The following TET3 variants were observed in gnomAD, a reference collection of about 807,000 sequenced individuals.
TET3 encodes tet methylcytosine dioxygenase 3.
Under a neutral mutation model 141.4 loss-of-function variants are expected in TET3, and 19 were observed. That is an observed-to-expected ratio of 0.13 (90% CI 0.09 to 0.20). TET3 has a LOEUF of 0.20. Ranked by LOEUF, TET3 falls within the 10% of genes least tolerant of loss-of-function variation. The probability of loss-of-function intolerance (pLI) is 1.00; values close to 1 mark genes in which losing one functional copy is unlikely to be tolerated. For missense variants in TET3, 1,874 were observed against 2,356.9 expected (o/e 0.80, Z 4.24); for synonymous variants, 1,043 against 980.9 (o/e 1.06, Z -1.18).
At chr2:74,059,577 C>G (rs937693553) in intron 4 of TET3, among the ~76,000 whole-genome samples, 9 of 152,230 alleles carry the variant, frequency 5.9e-5, no homozygotes, top group Admixed American at 5.2e-4. Context: ...TTTAGAGAGA[C>G]AGGATATCAC....
chr2:74,109,939 C>T (rs1691663320), downstream of TET3, among the ~76,000 whole-genome samples: 1 of 152,158 alleles, frequency 6.6e-6, no homozygotes, highest in Admixed American at 6.5e-5. Flanking sequence ...CCTCACTTCC[C>T]AATTGTGTGA....
chr2:73,990,479 G>A lies in TET3; in HGVS notation c.303+3773G>A, dbSNP rs578037607. Among the ~76,000 whole-genome samples the A allele has an allele frequency of 2.6e-5, 4 of 152,304 alleles. No homozygotes were observed. The East Asian group carries it at 7.7e-4, about 29-fold the overall frequency. On this transcript the variant is annotated intron_variant, in intron 2 of 11. Coordinates refer to ENST00000409262, the MANE Select transcript of TET3 (RefSeq NM_001287491.2). The stretch of plus-strand genomic sequence containing the variant: ...TTTGCCAGCCTCTGTGCTGGGGGAG[G>A]AGGCTAGACACCAAGGAGTCACTAT...
At chr2:74,012,056 G>A (rs564993278) in intron 3 of TET3, among the ~76,000 whole-genome samples, 2 of 152,304 alleles carry the variant, frequency 1.3e-5, no homozygotes, top group South Asian at 4.1e-4. Flanking sequence ...CACTTCCCAG[G>A]CTCAAGCCAT....
chr2:74,024,072 A>G (rs1686210111), intron 3 of TET3, among the ~76,000 whole-genome samples: 2 of 152,212 alleles, frequency 1.3e-5, no homozygotes, highest in Non-Finnish European at 2.9e-5. Context: ...TTTCTAATAG[A>G]TACTGTTCTC....
chr2:74,078,197 C>T (rs904013799), intron 5 of TET3, among the ~76,000 whole-genome samples: 5 of 151,736 alleles, frequency 3.3e-5, no homozygotes, highest in South Asian at 2.1e-4. Context: ...AAAATTAATT[C>T]GTTAATTAAA....
rs749904003 is a variant in TET3, at chr2:74,087,785, G to T, written c.2680-45G>T. 2.7e-6 allele frequency: 4 copies of T among 1,509,252 alleles called. No homozygotes were observed. Among genetic ancestry groups the T allele is most frequent in the South Asian group, 2.6e-5 (2 of 77,138 alleles). 93.5% of individuals were successfully genotyped at this position (1,509,252 alleles called of 1,614,324 possible). A position where few individuals can be genotyped will look rare whatever the true frequency, so the allele number is the denominator to read the frequency against. On this transcript the variant is annotated intron_variant, in intron 6 of 11. Coordinates refer to ENST00000409262, the MANE Select transcript of TET3 (RefSeq NM_001287491.2). The surrounding 1 kb of genome is among the most constrained non-coding windows in gnomAD (Gnocchi z 4.3). ...GGGAGGGGTGGCACCATGCAGAGGA[G>T]CACGGGTACCTGGCTCCTGCCCCTC...
chr2:74,134,588 G>A, the TET3 span: 2 of 423,752 alleles, frequency 4.7e-6, no homozygotes, highest in African/African-American at 2.0e-5. Context: ...TGTGAGAGAG[G>A]AGTGGATGGT....
intron 5 of TET3, among the ~76,000 whole-genome samples, chr2:74,074,482 C>T (rs576411093): frequency 2.0e-5 from 3 of 152,300 alleles, no homozygotes; most frequent in South Asian, 4.1e-4. Context: ...GGTTTTTGAG[C>T]AGTTCATGCA....
At chr2:74,129,990 G>A in the TET3 span, among the ~76,000 whole-genome samples, 1 of 152,026 alleles carries the variant, frequency 6.6e-6, no homozygotes, top group South Asian at 2.1e-4. Flanking sequence ...AACTACTTGG[G>A]AGGCTGAGGC....
chr2:74,091,649 A>G (rs1250730566), intron 8 of TET3, among the ~76,000 whole-genome samples: 1 of 152,210 alleles, frequency 6.6e-6, no homozygotes, highest in Non-Finnish European at 1.5e-5. Flanking sequence ...TGGCGACCCC[A>G]CTGGATGTAC....
intron 3 of TET3, among the ~76,000 whole-genome samples, chr2:74,035,067 T>G (rs1573748247): frequency 1.4e-5 from 2 of 147,878 alleles, no homozygotes; most frequent in Admixed American, 6.7e-5. Context: ...CCAGGTATGG[T>G]GGCGGGCGCC....
downstream of TET3, among the ~76,000 whole-genome samples, chr2:74,110,070 G>A (rs562226738): frequency 1.1e-4 from 16 of 152,282 alleles, 1 homozygote; most frequent in South Asian, 8.3e-4. Flanking sequence ...TCGGGACATA[G>A]CAAGTAATAA....
chr2:74,042,815 G>GA (rs1370783669), intron 3 of TET3, among the ~76,000 whole-genome samples: 1 of 152,226 alleles, frequency 6.6e-6, no homozygotes, highest in Non-Finnish European at 1.5e-5. Context: ...CAGGTGTTGA[G>GA]AAAGGTATCA....
chr2:74,069,000 G>T (rs929509049), intron 4 of TET3, among the ~76,000 whole-genome samples: 20 of 152,110 alleles, frequency 1.3e-4, no homozygotes, highest in Admixed American at 1.2e-3. Context: ...TTATTACAAA[G>T]TTTTTCTTCA....
rs1395492849 is a variant in TET3, at chr2:74,047,619, C to A, written c.1702C>A (p.Pro568Thr). ...GTGGCCCCCACCAAGTTCACCTGTC[C>A]CACGGCTTCCAGACAGACCACCCAA... ...GWWPPPSSPV[P>T]RLPDRPPKEK... Residue 568 changes from proline to threonine, a missense_variant, in exon 4 of 12, where the codon CCA (proline) becomes ACA (threonine). Physicochemically the swap from Pro to Thr is conservative, Grantham distance 38. Around this residue, in one of 10 missense-constraint regions of TET3, gnomAD observed 484 missense variants for 462.2 expected, o/e 1.05. Transcript: ENST00000409262. The A allele has an allele frequency of 1.2e-6, 2 of 1,613,688 alleles. No homozygotes were observed. Among genetic ancestry groups the A allele is most frequent in the Middle Eastern group, 1.6e-4 (1 of 6,062 alleles).
At position 74,053,243 on chromosome 2, in the gene TET3, TC is replaced by T. The variant is rs142543680; in HGVS notation, c.2494+4840del. Among the ~76,000 whole-genome samples, 7 of 151,128 alleles carry T rather than the reference TC, an allele frequency of 4.6e-5. No individual in the cohort carries two copies. In the East Asian group the frequency reaches 9.7e-4, roughly 21 times the overall value. ...ATATTTAAAAATACTCATTGGAGAGTCCCCCCCCAACCATCCTATAACACCA... is the reference window on the plus strand; with the variant it reads ...ATATTTAAAAATACTCATTGGAGAGTCCCCCCCAACCATCCTATAACACCA... On this transcript the variant is annotated intron_variant, in intron 4 of 11. Coordinates refer to ENST00000409262, the MANE Select transcript of TET3 (RefSeq NM_001287491.2).
chr2:74,042,149 A>G (rs931016042), intron 3 of TET3, among the ~76,000 whole-genome samples: 8 of 152,236 alleles, frequency 5.3e-5, no homozygotes, highest in Non-Finnish European at 1.2e-4. Flanking sequence ...CCAGTGGTGA[A>G]CCGGCCCTTT....
intron 7 of TET3, among the ~76,000 whole-genome samples, chr2:74,088,765 T>G (rs1305242066): frequency 6.6e-6 from 1 of 152,156 alleles, no homozygotes; most frequent in African/African-American, 2.4e-5. Context: ...TACAGTCACG[T>G]ACCTACCACC....
At chr2:74,024,233 C>T (rs1294858028) in intron 3 of TET3, among the ~76,000 whole-genome samples, 4 of 152,218 alleles carry the variant, frequency 2.6e-5, no homozygotes, top group African/African-American at 7.2e-5. Context: ...GGGCCCTACT[C>T]GTTTGCAGAC....
Sources: gnomAD v4.1 joint callset for allele counts (sites outside exome capture counted in the v4.1 genomes callset) on GRCh38, gnomAD v4.1.1 for gene constraint, gnomAD v4.1.1 regional missense constraint, Gnocchi (gnomAD v3.1) non-coding constraint, MANE v1.5 for transcripts, NCBI Gene and HGNC (gene_info 2026-07-23, HGNC 2026-07-21) for gene names.